TTL: variants seen among roughly 807,000 people sequenced by gnomAD.
TTL encodes the protein tubulin--tyrosine ligase.
A neutral mutation model predicts 41.1 loss-of-function variants in TTL; 10 were observed. That is an observed-to-expected ratio of 0.24 (90% confidence interval 0.15 to 0.41). The LOEUF is 0.41. Among genes scored for constraint, TTL ranks in the 10% least tolerant of loss-of-function variants. TTL has a pLI of 1.00. For synonymous variants in TTL, 175 were observed against 175.5 expected, an observed-to-expected ratio of 1.00 and a Z score of 0.02; for missense variants, 367 against 460.4, an observed-to-expected ratio of 0.80 and a Z score of 1.86.
intron 5 of TTL, among the ~76,000 whole-genome samples, chr2:112,515,167 G>C (rs1401579890): frequency 6.6e-6 from 1 of 151,990 alleles, no homozygotes; most frequent in Non-Finnish European, 1.5e-5. Flanking sequence ...ATCCTTATCT[G>C]ATAACTCCAA....
chr2:112,494,334 A>C lies in TTL; in HGVS notation c.428A>C (p.Glu143Ala). Residue 143 changes from glutamate (E) to alanine (A), a missense_variant, in exon 3 of 7, where the codon GAG (glutamate) becomes GCG (alanine). Glu to Ala is a moderately radical substitution (Grantham distance 107). Coordinates refer to ENST00000233336, the MANE Select transcript of TTL (RefSeq NM_153712.5). ...ASYNRKKEDG[E>A]GNVWIAKSSA... is the part of the protein sequence containing the mutation. ...TATAACAGAAAGAAAGAGGATGGAG[A>C]GGGCAACGTTTGGATTGCAAAGTCA... 1 of 1,614,170 alleles carries C rather than the reference A, an allele frequency of 6.2e-7. No homozygotes were observed. Among genetic ancestry groups the C allele is most frequent in the Admixed American group, 1.7e-5 (1 of 60,028 alleles).
chr2:112,528,629 T>C, intron 6 of TTL, 52 bp from the exon 7 acceptor site: 1 of 1,475,014 alleles, frequency 6.8e-7, no homozygotes, highest in Non-Finnish European at 9.5e-7. Flanking sequence ...CTATTTTTTT[T>C]GCTTGTACTT....
chr2:112,494,090 G>C, intron 2 of TTL, 53 bp from the exon 3 acceptor site: 1 of 1,437,568 alleles, frequency 7.0e-7, no homozygotes, highest in South Asian at 1.2e-5. Context: ...TTTCTGAAGG[G>C]AGTGACAAAG....
chr2:112,521,035 G>A (rs1391324242), intron 6 of TTL, among the ~76,000 whole-genome samples: 1 of 152,190 alleles, frequency 6.6e-6, no homozygotes, highest in African/African-American at 2.4e-5. Context: ...AGGATCCTAT[G>A]ATGTGGCGAC....
intron 4 of TTL, among the ~76,000 whole-genome samples, chr2:112,501,712 A>G (rs1464911093): frequency 1.3e-5 from 2 of 152,168 alleles, no homozygotes; most frequent in East Asian, 1.9e-4. Flanking sequence ...TAGTAAAAAT[A>G]CAAAATTAGC....
At chr2:112,495,031 A>G (rs1406469810) in intron 3 of TTL, among the ~76,000 whole-genome samples, 1 of 152,134 alleles carries the variant, frequency 6.6e-6, no homozygotes, top group African/African-American at 2.4e-5. Flanking sequence ...CGGATTCCTA[A>G]TGGTAGCCTG....
intron 3 of TTL, among the ~76,000 whole-genome samples, chr2:112,498,983 A>G (rs1008176764): frequency 1.3e-5 from 2 of 152,006 alleles, no homozygotes; most frequent in African/African-American, 4.8e-5. Flanking sequence ...TTTTAGAGCT[A>G]TAGTACTTAA....
At chr2:112,490,568 C>CT (rs35722764) in intron 2 of TTL, among the ~76,000 whole-genome samples, 5,037 of 110,622 alleles carry the variant, frequency 0.046, 268 homozygotes, top group Non-Finnish European at 0.065. Context: ...CTTAGTAAAT[C>CT]TTTTTTTTTT....
chr2:112,492,685 G>A (rs896790133), intron 2 of TTL, among the ~76,000 whole-genome samples: 2 of 151,890 alleles, frequency 1.3e-5, no homozygotes, highest in Middle Eastern at 3.4e-3. Flanking sequence ...AGCCGAGGTC[G>A]CGCTACTGCA....
intron 2 of TTL, among the ~76,000 whole-genome samples, chr2:112,489,727 A>C (rs1337400420): frequency 1.3e-5 from 2 of 152,238 alleles, no homozygotes; most frequent in African/African-American, 4.8e-5. Context: ...ATGAAGTTGG[A>C]ACATAAATTC....
intron 5 of TTL, among the ~76,000 whole-genome samples, chr2:112,513,043 T>G (rs745823931): frequency 6.6e-6 from 1 of 152,180 alleles, no homozygotes; most frequent in East Asian, 1.9e-4. Context: ...GTTAATAGTT[T>G]ACCACTTCAA....
At chr2:112,523,314 C>T (rs187711709) in intron 6 of TTL, among the ~76,000 whole-genome samples, 22 of 151,478 alleles carry the variant, frequency 1.5e-4, no homozygotes, top group Admixed American at 1.4e-3. Context: ...ATCAGATTAA[C>T]TCATCAGAAG....
intron 3 of TTL, among the ~76,000 whole-genome samples, chr2:112,498,778 G>A (rs1302184755): frequency 3.9e-5 from 6 of 151,956 alleles, no homozygotes; most frequent in East Asian, 1.9e-4. Context: ...GGTGGCGGGC[G>A]CCTGTAATCG....
At chr2:112,517,729 G>T (rs1464703103) in intron 5 of TTL, among the ~76,000 whole-genome samples, 1 of 150,938 alleles carries the variant, frequency 6.6e-6, no homozygotes, top group African/African-American at 2.4e-5. Flanking sequence ...GATCACTTCA[G>T]CCCAGGAGTT....
intron 5 of TTL, among the ~76,000 whole-genome samples, chr2:112,508,769 C>T (rs1681842289): frequency 2.0e-4 from 1 of 4,942 alleles, no homozygotes; most frequent in East Asian, 7.4e-3. Context: ...AATGTCCTCC[C>T]GTAGCTCAGA....
At chr2:112,489,454 G>A (rs948781189) in intron 2 of TTL, among the ~76,000 whole-genome samples, 2 of 152,136 alleles carry the variant, frequency 1.3e-5, no homozygotes, top group Non-Finnish European at 2.9e-5. Flanking sequence ...GAATTGATTT[G>A]ACTATGAAGC....
chr2:112,485,783 C>G (rs944990072), intron 1 of TTL, 134 bp from the exon 2 acceptor site: 2 of 815,676 alleles, frequency 2.5e-6, no homozygotes, highest in African/African-American at 3.5e-5. Context: ...GACAGAGAAA[C>G]AAAATTGTTC....
At position 112,539,489 on chromosome 2, in the gene TTL, C is replaced by G. The variant is rs762326062; in HGVS notation, c.*10694C>G. ...CACAACACTCTTTCTTGGAAAAAACCTTTCAACAAACTAGAAATAAATTAC... is the reference window on the plus strand; with the variant it reads ...CACAACACTCTTTCTTGGAAAAAACGTTTCAACAAACTAGAAATAAATTAC... On this transcript the variant is annotated 3_prime_UTR_variant, in exon 7 of 7. Transcript: ENST00000233336. 1 of 152,042 alleles carries G rather than the reference C, an allele frequency of 6.6e-6. No homozygotes were observed. Among genetic ancestry groups the G allele is most frequent in the African/African-American group, 2.4e-5 (1 of 41,390 alleles). 9.4% of individuals were successfully genotyped at this position (152,042 alleles called of 1,614,324 possible).
intron 6 of TTL, among the ~76,000 whole-genome samples, chr2:112,521,918 A>G (rs2104474907): frequency 6.6e-6 from 1 of 152,334 alleles, no homozygotes; most frequent in South Asian, 2.1e-4. Flanking sequence ...AGATGGGCTA[A>G]GGGCGGAATA....
Sources: gnomAD v4.1 joint callset for allele counts (sites outside exome capture counted in the v4.1 genomes callset) on GRCh38, gnomAD v4.1.1 for gene constraint, MANE v1.5 for transcripts, NCBI Gene and HGNC (gene_info 2026-07-23, HGNC 2026-07-21) for gene names.